DNAH5: variants seen among roughly 807,000 people sequenced by gnomAD.
DNAH5 encodes the protein axonemal beta dynein heavy chain 5.
DNAH5 carries 372 observed loss-of-function variants against 518.2 expected under a neutral mutation model. The ratio of observed to expected loss-of-function variants is 0.72; its 90% CI spans 0.66 to 0.78. The LOEUF (loss-of-function observed/expected upper bound fraction) is 0.78, where lower values mean the gene tolerates loss of function less well. Among genes scored for constraint, DNAH5 ranks in the 30% least tolerant of loss-of-function variants. DNAH5 has a pLI of 0.00. For synonymous variants in DNAH5, 2,039 were observed against 2,025.9 expected (o/e 1.01, Z -0.17); for missense variants, 5,523 against 5,687.0 (o/e 0.97, Z 0.93).
In DNAH5 at chr5:13,764,745, A is replaced by G. The variant is rs115201646; in HGVS notation, c.10101+1231T>C. Among the ~76,000 whole-genome samples, 880 of 152,322 alleles carry G rather than the reference A, an allele frequency of 5.8e-3. 6 individuals carry two copies. The highest frequency in any genetic ancestry group is 0.02 in the African/African-American group (826 of 41,566). ...TAGAGCCACCAAATGACCAATATTC[A>G]CAGCAGCTTGATTTATAATAGCCAT... On this transcript the variant is annotated intron_variant, in intron 59 of 78. Transcript: ENST00000265104.
At position 13,829,571 on chromosome 5, in the gene DNAH5, A is replaced by G. The variant is rs1383568709; in HGVS notation, c.6383T>C (p.Val2128Ala). The change falls in exon 38 of 79, where the codon GTT becomes GCT. Residue 2128 changes from valine to alanine, a missense_variant. By Grantham distance (64) the Val-to-Ala change is moderately conservative (BLOSUM62 0). This residue lies in a region of DNAH5 where 5,121 missense variants were observed against 5,223.3 expected (regional missense o/e 0.98). Transcript: ENST00000265104. ...CGTGAAAAACTTCCTGGCCAAAACA[A>G]CGTTGTCAATGAAGCCACAACTAGC... ...KLASCGFIDN[V>A]VLARKFFTLY... 5.0e-6 allele frequency: 8 copies of G among 1,614,140 alleles called. No individual in the cohort carries two copies. The highest frequency in any genetic ancestry group is 6.8e-6 in the Non-Finnish European group (8 of 1,180,026).
chr5:13,953,771 G>A (rs942681749), intron 1 of DNAH5, among the ~76,000 whole-genome samples: 2 of 152,100 alleles, frequency 1.3e-5, no homozygotes, highest in African/African-American at 2.4e-5. Context: ...GCAATGGCGC[G>A]ATCTCGGCTT....
At chr5:13,986,881 T>G (rs1471690746) in intron 1 of DNAH5, among the ~76,000 whole-genome samples, 1 of 152,226 alleles carries the variant, frequency 6.6e-6, no homozygotes, top group African/African-American at 2.4e-5. Flanking sequence ...GAATCTGGGA[T>G]GAACAGTCTG....
chr5:13,994,266 C>A (rs575189551), intron 1 of DNAH5, among the ~76,000 whole-genome samples: 13 of 152,306 alleles, frequency 8.5e-5, no homozygotes, highest in African/African-American at 3.1e-4. Context: ...CTCTCCTGAC[C>A]TAACCAGAGT....
rs549797910 is a variant in DNAH5, at chr5:13,930,689, A to C, written c.192+421T>G. Among the ~76,000 whole-genome samples, 419 of 152,310 alleles carry C rather than the reference A, an allele frequency of 2.8e-3. 3 individuals carry two copies. The highest frequency in any genetic ancestry group is 9.7e-3 in the African/African-American group (405 of 41,578). Reference sequence around the variant, plus strand: ...ACAAAAGCAAGCAGGTTAGGAACAAAAGAAAGCAGGTTCAGCTGCCAAACC... The same window carrying C: ...ACAAAAGCAAGCAGGTTAGGAACAACAGAAAGCAGGTTCAGCTGCCAAACC... On this transcript the variant is annotated intron_variant, in intron 2 of 78. Coordinates refer to ENST00000265104, the MANE Select transcript of DNAH5 (RefSeq NM_001369.3).
At chr5:13,847,656 G>A (rs762532180) in intron 31 of DNAH5, among the ~76,000 whole-genome samples, 31 of 151,756 alleles carry the variant, frequency 2.0e-4, no homozygotes, top group South Asian at 2.1e-4. Flanking sequence ...CCTGGGAGGC[G>A]GAGGCTGCAG....
rs1775829492 is a variant in DNAH5, at chr5:13,910,294, CCA to C, written c.1644+1090_1644+1091del. 5.9e-5 allele frequency among the ~76,000 whole-genome samples: 9 copies of C among 152,284 alleles called. No individual in the cohort carries two copies. In the South Asian group the frequency reaches 1.9e-3, roughly 32 times the overall value. On this transcript the variant is annotated intron_variant, in intron 12 of 78. Coordinates refer to ENST00000265104, the MANE Select transcript of DNAH5 (RefSeq NM_001369.3). ...CCACTTCCCCTCACAGTGAAGTTTC[CCA>C]GTTTCCTCCTCTGCAAAATGAGAGT...
chr5:13,869,914 T>G (rs985888546), intron 24 of DNAH5, among the ~76,000 whole-genome samples: 1 of 152,140 alleles, frequency 6.6e-6, no homozygotes, highest in Non-Finnish European at 1.5e-5. Context: ...GAGATGATGT[T>G]TACTCAAGTG....
intron 30 of DNAH5, among the ~76,000 whole-genome samples, chr5:13,856,118 C>G (rs1767596739): frequency 6.6e-6 from 1 of 152,052 alleles, no homozygotes; most frequent in Admixed American, 6.6e-5. Flanking sequence ...AATTCAAAAG[C>G]TAGCAGAAGA....
At chr5:13,727,469 A>T in intron 70 of DNAH5, 38 bp downstream of exon 70, 5 of 1,561,164 alleles carry the variant, frequency 3.2e-6, no homozygotes, top group Non-Finnish European at 3.5e-6. Flanking sequence ...CTCTTTAAAA[A>T]TATTCTCTCA....
intron 60 of DNAH5, 145 bp from the exon 61 acceptor site, chr5:13,759,128 C>T: frequency 4.7e-6 from 5 of 1,073,630 alleles, no homozygotes; most frequent in Non-Finnish European, 7.0e-6. Flanking sequence ...ACATTAAGTC[C>T]TGAACAAATC....
At chr5:13,903,144 AG>A (rs1463012774) in intron 12 of DNAH5, among the ~76,000 whole-genome samples, 2 of 152,140 alleles carry the variant, frequency 1.3e-5, no homozygotes, top group South Asian at 2.1e-4. Context: ...GAATAAAACA[AG>A]AACACTCAGA....
chr5:13,710,527 T>C (rs1935281498), intron 75 of DNAH5, among the ~76,000 whole-genome samples: 1 of 151,308 alleles, frequency 6.6e-6, no homozygotes, highest in South Asian at 2.1e-4. Flanking sequence ...AACAAAGCAA[T>C]ACAAAAGGTA....
rs527239119 is a variant in DNAH5, at chr5:13,805,675, G to C, written c.7887+1916C>G. Among the ~76,000 whole-genome samples the C allele has an allele frequency of 4.6e-5, 7 of 152,292 alleles. No homozygotes were observed. The East Asian group carries it at 9.6e-4, about 21-fold the overall frequency. ...CTGAGGACAGGGAAGGTTTGCATTTGAGACCCTCCCAAACCTCGCCCTCTT... is the reference window on the plus strand; with the variant it reads ...CTGAGGACAGGGAAGGTTTGCATTTCAGACCCTCCCAAACCTCGCCCTCTT... On this transcript the variant is annotated intron_variant, in intron 47 of 78. Coordinates refer to ENST00000265104, the MANE Select transcript of DNAH5 (RefSeq NM_001369.3).
intron 12 of DNAH5, among the ~76,000 whole-genome samples, chr5:13,905,261 G>A (rs1025641072): frequency 6.6e-6 from 1 of 152,200 alleles, no homozygotes; most frequent in Non-Finnish European, 1.5e-5. Flanking sequence ...GATATTAAGA[G>A]GTGGCACCAC....
At chr5:13,914,845 A>G (rs916424168) in intron 9 of DNAH5, among the ~76,000 whole-genome samples, 1 of 152,116 alleles carries the variant, frequency 6.6e-6, no homozygotes, top group African/African-American at 2.4e-5. Context: ...CAGAGTTGGA[A>G]GCACCATGGA....
chr5:13,701,039 G>A (rs1009171924), intron 77 of DNAH5, among the ~76,000 whole-genome samples, 168 bp from the exon 78 acceptor site: 2 of 151,980 alleles, frequency 1.3e-5, no homozygotes, highest in African/African-American at 4.8e-5. Context: ...TCCTAATTGA[G>A]CTAGGTCTAC....
intron 78 of DNAH5, among the ~76,000 whole-genome samples, chr5:13,695,774 AG>A (rs1741289696): frequency 6.6e-6 from 1 of 152,186 alleles, no homozygotes; most frequent in Non-Finnish European, 1.5e-5. Context: ...CCTAAGATAG[AG>A]ATGTTATTCG....
intron 17 of DNAH5, among the ~76,000 whole-genome samples, chr5:13,890,391 A>C (rs1158360160): frequency 1.4e-5 from 2 of 144,182 alleles, no homozygotes; most frequent in Non-Finnish European, 3.0e-5. Context: ...TGGGCAACAG[A>C]GCAAGACTCC....
Sources: gnomAD v4.1 joint callset for allele counts (sites outside exome capture counted in the v4.1 genomes callset) on GRCh38, gnomAD v4.1.1 for gene constraint, gnomAD v4.1.1 regional missense constraint, MANE v1.5 for transcripts, NCBI Gene and HGNC (gene_info 2026-07-23, HGNC 2026-07-21) for gene names.